Variants in SEC16A observed in about 807,000 individuals in gnomAD.
SEC16A encodes the protein protein transport protein Sec16A.
A neutral mutation model predicts 221.9 loss-of-function variants in SEC16A; 110 were observed. The observed-to-expected ratio is 0.50, with a 90% confidence interval of 0.42 to 0.58. The LOEUF is 0.58. SEC16A is among the 20% of genes least tolerant of loss of function. The pLI is 0.00. For missense variants in SEC16A, 3,165 were observed against 3,097.8 expected, an observed-to-expected ratio of 1.02 and a Z score of -0.52; for synonymous variants, 1,393 against 1,257.7, an observed-to-expected ratio of 1.11 and a Z score of -2.28.
chr9:136,471,232 C>CT (rs1369024861), intron 4 of SEC16A, among the ~76,000 whole-genome samples: 109 of 151,820 alleles, frequency 7.2e-4, no homozygotes, highest in African/African-American at 2.4e-3. Context: ...TTTGGGAGAC[C>CT]AGGGCAGGAG....
In SEC16A at chr9:136,476,162, T is replaced by C; in HGVS notation, c.1454A>G (p.Asp485Gly). ...AGGAAGGGGCCCATATCTGAACTGG[T>C]CACTCGGGGAGGAAGGGTCCAAATT... ...PLNLDPSSPS[D>G]QFRYGPLPGP... The change falls in exon 3 of 32, where the codon GAC becomes GGC. Residue 485 changes from aspartate (D) to glycine (G), a missense_variant. Around this residue, in one of 3 missense-constraint regions of SEC16A, gnomAD observed 2,030 missense variants for 1,923.1 expected, o/e 1.06. Coordinates refer to ENST00000684901, the MANE Select transcript of SEC16A (RefSeq NM_014866.2). 1.9e-6 allele frequency: 3 copies of C among 1,613,866 alleles called. No homozygotes were observed. Among genetic ancestry groups the C allele is most frequent in the Non-Finnish European group, 2.5e-6 (3 of 1,179,892 alleles).
At position 136,475,531 on chromosome 9, in the gene SEC16A, C is replaced by G; in HGVS notation, c.2085G>C (p.Pro695=). Residue 695 remains proline (P), a synonymous_variant, in exon 3 of 32, where the codon CCG becomes CCC. Transcript: ENST00000684901. The surrounding 1 kb of genome is among the most constrained non-coding windows in gnomAD (Gnocchi z 5.0). ...AVHMLPHAGA[P]PLDTVYPAPE... is the part of the protein sequence containing the mutation. ...GTGCTGGATACACAGTATCCAAGGG[C>G]GGTGCCCCTGCGTGCGGAAGCATGT... The G allele has an allele frequency of 6.2e-7, 1 of 1,613,110 alleles. No homozygotes were observed. Among genetic ancestry groups the G allele is most frequent in the South Asian group, 1.1e-5 (1 of 90,952 alleles).
chr9:136,474,691 C>A lies in SEC16A; in HGVS notation c.2925G>T (p.Val975=), dbSNP rs778896140. The part of the protein sequence containing the change: ...VLVPPAHGTL[V]PDGNKANHSS... ...AATGGTTTGCCTTATTACCATCAGG[C>A]ACCAGGGTGCCGTGTGCAGGTGGAA... Residue 975 remains valine, a synonymous_variant, in exon 3 of 32, where the codon GTG becomes GTT. Transcript: ENST00000684901. 4 of 1,613,686 alleles carry A rather than the reference C, an allele frequency of 2.5e-6. No individual in the cohort carries two copies. The highest frequency in any genetic ancestry group is 3.4e-6 in the Non-Finnish European group (4 of 1,179,900).
Position 136,480,004 on chromosome 9 carries a change from A to C in SEC16A, c.-191-1174T>G, listed in dbSNP as rs570800457. 1.3e-4 allele frequency among the ~76,000 whole-genome samples: 19 copies of C among 142,600 alleles called. No individual in the cohort carries two copies. In the South Asian group the frequency reaches 3.9e-3, roughly 29 times the overall value. The allele number at this position is 142,600 out of a possible 152,430, so 93.6% of individuals were successfully genotyped here. ...GCGACAGAGTGAAACTGTCTCAAAA[A>C]AAAAAAGAAGAAAACACTGATCAAT... On this transcript the variant is annotated intron_variant, in intron 1 of 31. Transcript: ENST00000684901.
rs1645405522 is a variant in SEC16A, at chr9:136,474,029, A to G, written c.3567+20T>C. ...AAGCACAGACAGAAAAGTGGGTTAC[A>G]CATACGACTCGACTCTTACCTGGTA... On this transcript the variant is annotated intron_variant, in intron 3 of 31. Coordinates refer to ENST00000684901, the MANE Select transcript of SEC16A (RefSeq NM_014866.2). 4 of 1,576,180 alleles carry G rather than the reference A, an allele frequency of 2.5e-6. No individual in the cohort carries two copies. The highest frequency in any genetic ancestry group is 3.5e-6 in the Non-Finnish European group (4 of 1,158,982).
rs1478954142 is a variant in SEC16A, at chr9:136,474,602, G to T, written c.3014C>A (p.Pro1005His). 2 of 1,612,832 alleles carry T rather than the reference G, an allele frequency of 1.2e-6. No individual in the cohort carries two copies. ...ATGGGACGGGTTGTACACGTTTACA[G>T]GATTTTCCAAAGTCCTGCTTAAGGT... ...DFTLSRTLEN[P>H]VNVYNPSHSD... The change falls in exon 3 of 32, where the codon CCT (proline) becomes CAT (histidine). Residue 1005 changes from proline (P) to histidine (H), a missense_variant. By Grantham distance (77) the Pro-to-His change is moderately conservative. This residue lies in a region of SEC16A where 2,030 missense variants were observed against 1,923.1 expected (regional missense o/e 1.06). Transcript: ENST00000684901.
intron 1 of SEC16A, among the ~76,000 whole-genome samples, chr9:136,481,100 C>T (rs1013539868): frequency 2.0e-5 from 3 of 151,094 alleles, no homozygotes; most frequent in Non-Finnish European, 4.4e-5. Flanking sequence ...CTGCCTATCA[C>T]CTATGTCACC....
intron 22 of SEC16A, 64 bp from the exon 23 acceptor site, chr9:136,451,472 G>C: frequency 6.6e-7 from 1 of 1,508,708 alleles, no homozygotes; most frequent in Non-Finnish European, 8.8e-7. Context: ...AAGAGAGAGG[G>C]GGATGCAATT....
intron 4 of SEC16A, among the ~76,000 whole-genome samples, chr9:136,471,657 T>C (rs761441864): frequency 2.6e-5 from 4 of 152,180 alleles, no homozygotes; most frequent in African/African-American, 4.8e-5. Context: ...CCAACAGACG[T>C]GCCCCGTCAA....
At chr9:136,456,404 C>A (rs1428880622) in intron 18 of SEC16A, among the ~76,000 whole-genome samples, 1 of 152,258 alleles carries the variant, frequency 6.6e-6, no homozygotes, top group South Asian at 2.1e-4. Context: ...TGCTAGGCAC[C>A]CCCCTGGAAC....
intron 12 of SEC16A, among the ~76,000 whole-genome samples, chr9:136,461,877 T>G (rs1272072369): frequency 6.7e-6 from 1 of 149,626 alleles, no homozygotes; most frequent in Non-Finnish European, 1.5e-5. Flanking sequence ...GAGGCCAAGG[T>G]GGGCGGATTG....
chr9:136,478,349 G>C (rs547550398), intron 2 of SEC16A, among the ~76,000 whole-genome samples: 1 of 146,012 alleles, frequency 6.8e-6, no homozygotes, highest in African/African-American at 2.5e-5. Context: ...GCTGTCGTGA[G>C]CTATGACAGC....
chr9:136,448,044 C>T lies in SEC16A; in HGVS notation c.6390+40G>A, dbSNP rs552620343. ...TCTGAAAGTGACAGAAAAATCATTA[C>T]AATTCTTCGGACGTCCCGTGCGTAT... On this transcript the variant is annotated intron_variant, in intron 24 of 31. Transcript: ENST00000684901. 1.0e-5 allele frequency: 16 copies of T among 1,580,010 alleles called. No individual in the cohort carries two copies. The Admixed American group carries it at 2.3e-4, about 22-fold the overall frequency.
chr9:136,461,085 T>A, intron 13 of SEC16A, 92 bp downstream of exon 13: 1 of 958,108 alleles, frequency 1.0e-6, no homozygotes, highest in Non-Finnish European at 1.6e-6. Flanking sequence ...TCAAGTGAGA[T>A]CCGCCTGCCG....
chr9:136,467,164 C>T, intron 5 of SEC16A, 81 bp from the exon 6 acceptor site: 2 of 1,529,330 alleles, frequency 1.3e-6, no homozygotes, highest in Non-Finnish European at 1.8e-6. Context: ...AGCGACACCA[C>T]CCCAGGACTT....
intron 1 of SEC16A, among the ~76,000 whole-genome samples, chr9:136,479,603 C>G (rs1589025138): frequency 6.6e-6 from 1 of 152,156 alleles, no homozygotes; most frequent in South Asian, 2.1e-4. Flanking sequence ...CCACCCGCCT[C>G]GGCCTCCCAA....
chr9:136,448,760 C>A (rs1214817587), intron 23 of SEC16A: 1 of 692,820 alleles, frequency 1.4e-6, no homozygotes, highest in Admixed American at 2.1e-5. Flanking sequence ...GGGGCAGATC[C>A]ACAGAGACAC....
chr9:136,471,855 A>G (rs1840913794), intron 4 of SEC16A, 120 bp downstream of exon 4: 6 of 1,203,026 alleles, frequency 5.0e-6, no homozygotes, highest in Non-Finnish European at 1.2e-6. Context: ...ATGTTAGATA[A>G]GTTTGTACAA....
rs375445642 is a variant in SEC16A, at chr9:136,475,381, C to T, written c.2235G>A (p.Pro745=). The change falls in exon 3 of 32, where the codon CCG becomes CCA. Residue 745 remains proline (P), a synonymous_variant. Transcript: ENST00000684901. This position sits in a 1 kb window ranked among gnomAD's most constrained non-coding sequence, Gnocchi z 5.0. ...GAGGTTTTGCACACACATAAAGCGC[C>T]GGGGCTGCAGGGGCCAGAAGGACGT... The part of the protein sequence containing the change: ...GGNVLLAPAA[P]ALYVCAKPQP... 1,280 of 1,609,230 alleles carry T rather than the reference C, an allele frequency of 8.0e-4. 8 individuals carry two copies. In the South Asian group the frequency reaches 9.0e-3, roughly 11 times the overall value.
Sources: gnomAD v4.1 joint callset for allele counts (sites outside exome capture counted in the v4.1 genomes callset) on GRCh38, gnomAD v4.1.1 for gene constraint, gnomAD v4.1.1 regional missense constraint, Gnocchi (gnomAD v3.1) non-coding constraint, MANE v1.5 for transcripts, NCBI Gene and HGNC (gene_info 2026-07-23, HGNC 2026-07-21) for gene names.